FRYL: variants seen among roughly 807,000 people sequenced by gnomAD.
FRYL encodes FRY like transcription coactivator.
In FRYL, 150 loss-of-function variants were observed where a neutral mutation model predicts 351.2. The observed-to-expected ratio is 0.43, with a 90% confidence interval of 0.37 to 0.49. The LOEUF (loss-of-function observed/expected upper bound fraction) is 0.49. FRYL is among the 20% of genes least tolerant of loss of function. FRYL has a pLI of 0.00. For missense variants in FRYL, 3,036 were observed against 3,619.3 expected, an observed-to-expected ratio of 0.84 and a Z score of 4.13; for synonymous variants, 1,153 against 1,257.1, an observed-to-expected ratio of 0.92 and a Z score of 1.75.
Position 48,644,409 on chromosome 4 carries a change from ATATATCAGAACATAATATGAT to A in FRYL, c.-80-9940_-80-9920del, listed in dbSNP as rs1357939520. 3.3e-5 allele frequency among the ~76,000 whole-genome samples: 5 copies of A among 152,040 alleles called. No individual in the cohort carries two copies. In the East Asian group the frequency reaches 7.7e-4, roughly 23 times the overall value. Reference sequence around the variant, plus strand: ...ATCAGAACATAACTATAATCAAGACATATATCAGAACATAATATGATTATATCAGAACATAATATAACAATA... The same window carrying A: ...ATCAGAACATAACTATAATCAAGACATATATCAGAACATAATATAACAATA... On this transcript the variant is annotated intron_variant, in intron 3 of 63. Coordinates refer to ENST00000358350, the MANE Select transcript of FRYL (RefSeq NM_015030.2).
intron 4 of FRYL, among the ~76,000 whole-genome samples, chr4:48,629,890 T>C (rs770252027): frequency 6.6e-6 from 1 of 152,170 alleles, no homozygotes; most frequent in Non-Finnish European, 1.5e-5. Context: ...TTAAGAAAGA[T>C]TTAGACCCTC....
chr4:48,503,485 T>A (rs1170771464), intron 60 of FRYL, among the ~76,000 whole-genome samples: 1 of 152,190 alleles, frequency 6.6e-6, no homozygotes, highest in Non-Finnish European at 1.5e-5. Flanking sequence ...TTAACCCGAC[T>A]AGGTTTGAAT....
At chr4:48,708,480 C>T (rs1422903594) in intron 2 of FRYL, among the ~76,000 whole-genome samples, 2 of 151,694 alleles carry the variant, frequency 1.3e-5, no homozygotes, top group African/African-American at 2.4e-5. Flanking sequence ...CAAACAAACA[C>T]TGCGTACTCA....
intron 42 of FRYL, among the ~76,000 whole-genome samples, chr4:48,545,132 T>C (rs1281889824): frequency 6.6e-6 from 1 of 152,220 alleles, no homozygotes; most frequent in Non-Finnish European, 1.5e-5. Flanking sequence ...TCAGACGTAG[T>C]AGAAAAAGAT....
chr4:48,713,096 G>T (rs565955267), intron 1 of FRYL, among the ~76,000 whole-genome samples: 46 of 151,782 alleles, frequency 3.0e-4, no homozygotes, highest in Non-Finnish European at 6.3e-4. Context: ...ACATGGAAAG[G>T]AACGACCGGT....
In FRYL at chr4:48,546,190, C is replaced by T. The variant is rs1007870115; in HGVS notation, c.5156G>A (p.Ser1719Asn). The part of the protein sequence containing the change: ...SGLSSSSTSS[S>N]ISLGNNSAAI... ...AGCACTGTTATTTCCTAAGCTGATA[C>T]TAGAAGAGGTAGAACTTGAGCTAAG... Residue 1719 changes from serine (S) to asparagine (N), a missense_variant, in exon 42 of 64, where the codon AGT (serine) becomes AAT (asparagine). Coordinates refer to ENST00000358350, the MANE Select transcript of FRYL (RefSeq NM_015030.2). 5 of 1,613,644 alleles carry T rather than the reference C, an allele frequency of 3.1e-6. No individual in the cohort carries two copies. Among genetic ancestry groups the T allele is most frequent in the East Asian group, 2.2e-5 (1 of 44,856 alleles).
chr4:48,749,377 G>A (rs1440361115), intron 1 of FRYL, among the ~76,000 whole-genome samples: 1 of 152,192 alleles, frequency 6.6e-6, no homozygotes, highest in East Asian at 1.9e-4. Context: ...CAGGCAGAAT[G>A]TCAGCTATGT....
rs528225827 is a variant in FRYL, at chr4:48,685,705, C to G, written c.-203-910G>C. Among the ~76,000 whole-genome samples the G allele has an allele frequency of 3.3e-5, 5 of 151,394 alleles. No homozygotes were observed. In the East Asian group the frequency reaches 5.8e-4, roughly 18 times the overall value. On this transcript the variant is annotated intron_variant, in intron 2 of 63. Transcript: ENST00000358350. ...ATGACCACAGGGAATTGGGAATTGT[C>G]TTTTTACCATTTATAAAGATTCCAC...
intron 3 of FRYL, among the ~76,000 whole-genome samples, chr4:48,643,671 A>T (rs1458835217): frequency 6.6e-6 from 1 of 152,238 alleles, no homozygotes; most frequent in Non-Finnish European, 1.5e-5. Flanking sequence ...TACAAATATT[A>T]AAAAAGATAC....
chr4:48,674,736 C>CAAAAAAAAAAAAAAAAAAAAAAAA (rs58696045), intron 3 of FRYL, among the ~76,000 whole-genome samples: 1 of 55,774 alleles, frequency 1.8e-5, no homozygotes, highest in African/African-American at 8.2e-5. Context: ...GACTCTGTCT[C>CAAAAAAAAAAAAAAAAAAAAAAAA]AAAAAAAAAA....
At chr4:48,777,071 G>A (rs1486079284) in intron 1 of FRYL, among the ~76,000 whole-genome samples, 2 of 151,966 alleles carry the variant, frequency 1.3e-5, no homozygotes, top group African/African-American at 4.8e-5. Flanking sequence ...TTTAGAGCAA[G>A]ACTGTCATCC....
chr4:48,591,290 T>C (rs992021492), intron 16 of FRYL, among the ~76,000 whole-genome samples: 3 of 152,200 alleles, frequency 2.0e-5, no homozygotes, highest in African/African-American at 7.2e-5. Context: ...TTCTTAGTTG[T>C]TGGAATCCCA....
At chr4:48,645,268 C>T (rs1045492944) in intron 3 of FRYL, among the ~76,000 whole-genome samples, 14 of 151,394 alleles carry the variant, frequency 9.2e-5, no homozygotes, top group Admixed American at 2.0e-4. Context: ...TTAAGTACAG[C>T]GCTGTGGAGA....
At chr4:48,574,597 G>A (rs1247983737) in intron 25 of FRYL, 1 of 152,118 alleles carries the variant, frequency 6.6e-6, no homozygotes, top group Non-Finnish European at 1.5e-5. Context: ...ATTAATTGAG[G>A]AAATTCTCAA....
At chr4:48,581,044 A>ATTTTT in intron 21 of FRYL, 93 bp from the exon 22 acceptor site, 4 of 505,086 alleles carry the variant, frequency 7.9e-6, no homozygotes, top group South Asian at 3.0e-5. Flanking sequence ...CTTCAGCACT[A>ATTTTT]TTTTTTTTTT....
intron 2 of FRYL, among the ~76,000 whole-genome samples, chr4:48,709,813 T>C (rs1224334885): frequency 3.3e-5 from 5 of 152,236 alleles, no homozygotes; most frequent in Non-Finnish European, 2.9e-5. Context: ...TATCTGCCTT[T>C]CATCTTTATC....
At chr4:48,704,866 T>C (rs1767139290) in intron 2 of FRYL, among the ~76,000 whole-genome samples, 3 of 151,736 alleles carry the variant, frequency 2.0e-5, no homozygotes, top group East Asian at 3.9e-4. Context: ...GGAGAATCGC[T>C]TGAACCCAGG....
At chr4:48,623,255 A>C in intron 4 of FRYL, 76 bp from the exon 5 acceptor site, 2 of 883,058 alleles carry the variant, frequency 2.3e-6, no homozygotes, top group Non-Finnish European at 3.4e-6. Flanking sequence ...TCTACATAAT[A>C]AACAGTTTAG....
Position 48,548,763 on chromosome 4 carries a change from AT to A in FRYL, c.4814del (p.Asp1605ValfsTer8). On this transcript the variant is annotated frameshift_variant, in exon 40 of 64. Transcript: ENST00000358350. LOFTEE classifies it high-confidence loss of function. ...CCTTCACACTATGATCAATGATGAG[AT>A]CAGTCAAAAGGATCACTGCTATGTT... ...RCNIAVILLT[D>X]LIIDHSVKVE... 6.2e-7 allele frequency: 1 copy of A among 1,611,308 alleles called. No individual in the cohort carries two copies. The highest frequency in any genetic ancestry group is 1.1e-5 in the South Asian group (1 of 90,752).
Sources: gnomAD v4.1 joint callset for allele counts (sites outside exome capture counted in the v4.1 genomes callset) on GRCh38, gnomAD v4.1.1 for gene constraint, MANE v1.5 for transcripts, NCBI Gene and HGNC (gene_info 2026-07-23, HGNC 2026-07-21) for gene names.